The following RNF216 variants were observed in gnomAD, a reference collection of about 807,000 sequenced individuals.
RNF216 encodes the protein E3 ubiquitin-protein ligase RNF216.
Under a neutral mutation model 110.8 loss-of-function variants are expected in RNF216, and 72 were observed. That is an observed-to-expected ratio of 0.65 (90% confidence interval 0.54 to 0.79). RNF216 has a LOEUF of 0.79. Among genes scored for constraint, RNF216 ranks in the 30% least tolerant of loss-of-function variants. The probability of loss-of-function intolerance (pLI) is 0.00; values close to 1 mark genes in which losing one functional copy is unlikely to be tolerated. For synonymous variants in RNF216, 495 were observed against 407.5 expected (o/e 1.21, Z -2.59); for missense variants, 1,342 against 1,141.2 (o/e 1.18, Z -2.54).
intron 1 of RNF216, among the ~76,000 whole-genome samples, chr7:5,763,955 G>T (rs562578599): frequency 6.6e-6 from 1 of 152,142 alleles, no homozygotes; most frequent in Admixed American, 6.5e-5. Flanking sequence ...TTGGGAGGCC[G>T]AGGCAGGCGG....
intron 15 of RNF216, among the ~76,000 whole-genome samples, chr7:5,634,730 C>T (rs1254619049): frequency 2.0e-5 from 3 of 152,340 alleles, no homozygotes; most frequent in Admixed American, 6.5e-5. Context: ...CCATGTTTTG[C>T]GTCCCGTCAG....
intron 3 of RNF216, among the ~76,000 whole-genome samples, chr7:5,748,924 C>T (rs1249003397): frequency 6.6e-6 from 1 of 152,112 alleles, no homozygotes; most frequent in Non-Finnish European, 1.5e-5. Flanking sequence ...ATCTGCTTCT[C>T]TGTGTCTCCG....
In RNF216 at chr7:5,753,121, T is replaced by G. The variant is rs148357415; in HGVS notation, c.68-142A>C. The G allele has an allele frequency of 5.2e-5, 38 of 724,292 alleles. 1 individual carries two copies. Among genetic ancestry groups the G allele is most frequent in the African/African-American group, 5.0e-4 (27 of 54,510 alleles). 44.9% of individuals were successfully genotyped at this position (724,292 alleles called of 1,614,324 possible). ...TACCTCCTCAAGCAGCCCGTGCACT[T>G]AAGCATTAAGAGCCATGTTTCTATG... On this transcript the variant is annotated intron_variant, in intron 2 of 16. Coordinates refer to ENST00000389902, the MANE Select transcript of RNF216 (RefSeq NM_207111.4).
At chr7:5,720,633 G>T (rs75078175) in intron 9 of RNF216, among the ~76,000 whole-genome samples, 1 of 152,298 alleles carries the variant, frequency 6.6e-6, no homozygotes, top group African/African-American at 2.4e-5. Context: ...AGACCCCCAA[G>T]AGAGTCTTGG....
chr7:5,694,381 G>C (rs1021933485), intron 13 of RNF216, among the ~76,000 whole-genome samples: 1 of 152,164 alleles, frequency 6.6e-6, no homozygotes, highest in African/African-American at 2.4e-5. Context: ...CAGATCCAAT[G>C]AGCTCAGAAT....
chr7:5,672,054 T>C (rs1584421584), intron 13 of RNF216, among the ~76,000 whole-genome samples: 1 of 152,164 alleles, frequency 6.6e-6, no homozygotes, highest in East Asian at 1.9e-4. Flanking sequence ...CAGTGGCCAT[T>C]GATGACTATC....
rs1001166102 is a variant in RNF216 at position 5,707,725 on chromosome 7, T to G, written c.2061+4036A>C. Among the ~76,000 whole-genome samples, 9 of 144,178 alleles carry G rather than the reference T, an allele frequency of 6.2e-5. No homozygotes were observed. The East Asian group carries it at 7.9e-4, about 13-fold the overall frequency. 94.6% of individuals were successfully genotyped at this position (144,178 alleles called of 152,430 possible). On this transcript the variant is annotated intron_variant, in intron 13 of 16. Transcript: ENST00000389902. ...TTTCAGTGTGTGTGTGTGGTTTTTT[T>G]TTTTTTTTTTTTTTTTGTGACAGAG... is the stretch of plus-strand genomic sequence containing the variant.
chr7:5,681,755 C>T (rs1016429744), intron 13 of RNF216, among the ~76,000 whole-genome samples: 47 of 152,186 alleles, frequency 3.1e-4, no homozygotes, highest in African/African-American at 1.1e-3. Context: ...TTCAACACTC[C>T]GGCTTACTGA....
intron 14 of RNF216, among the ~76,000 whole-genome samples, chr7:5,643,923 A>G (rs868775255): frequency 6.6e-6 from 1 of 152,152 alleles, no homozygotes; most frequent in Non-Finnish European, 1.5e-5. Context: ...TATGCCTCTG[A>G]TATTTCATAG....
At chr7:5,728,797 G>C (rs1258316659) in intron 7 of RNF216, among the ~76,000 whole-genome samples, 1 of 152,208 alleles carries the variant, frequency 6.6e-6, no homozygotes, top group African/African-American at 2.4e-5. Flanking sequence ...TTTAACGGCA[G>C]TAAGAGCGAC....
chr7:5,633,011 G>T (rs1410025309), intron 15 of RNF216, among the ~76,000 whole-genome samples: 1 of 151,908 alleles, frequency 6.6e-6, no homozygotes, highest in Non-Finnish European at 1.5e-5. Context: ...ACAGAGTCGT[G>T]CTCTATCGCC....
rs376647298 is a variant in RNF216 at position 5,712,427 on chromosome 7, T to C, written c.1982+288A>G. Among the ~76,000 whole-genome samples, 11 of 151,188 alleles carry C rather than the reference T, an allele frequency of 7.3e-5. No individual in the cohort carries two copies. The East Asian group carries it at 1.6e-3, about 21-fold the overall frequency. ...GGCGGAGGTTGTAGTGAGCCAAGAT[T>C]GCACCACTGTACTCCAGCCTGGGCG... On this transcript the variant is annotated intron_variant, in intron 12 of 16. Transcript: ENST00000389902.
chr7:5,736,565 C>A (rs1794419434), intron 5 of RNF216, among the ~76,000 whole-genome samples: 1 of 152,132 alleles, frequency 6.6e-6, no homozygotes, highest in East Asian at 1.9e-4. Context: ...TGAGGAGCGT[C>A]TCTGCCTGGC....
At chr7:5,664,984 G>C (rs551074611) in intron 13 of RNF216, among the ~76,000 whole-genome samples, 1 of 152,216 alleles carries the variant, frequency 6.6e-6, no homozygotes, top group South Asian at 2.1e-4. Flanking sequence ...TTTTAGGAGA[G>C]ACTGGGTTTC....
At chr7:5,634,588 C>G (rs1018275519) in intron 15 of RNF216, among the ~76,000 whole-genome samples, 1 of 152,172 alleles carries the variant, frequency 6.6e-6, no homozygotes, top group Non-Finnish European at 1.5e-5. Context: ...TGGGGAGGAG[C>G]AGAGACTTCA....
At chr7:5,655,059 A>G (rs1788647176) in intron 13 of RNF216, among the ~76,000 whole-genome samples, 1 of 152,242 alleles carries the variant, frequency 6.6e-6, no homozygotes, top group Non-Finnish European at 1.5e-5. Context: ...CATGGCATTT[A>G]GATACTTTTT....
chr7:5,642,217 GTTTTT>G (rs554389334), intron 14 of RNF216, among the ~76,000 whole-genome samples: 2 of 141,026 alleles, frequency 1.4e-5, no homozygotes, highest in African/African-American at 5.1e-5. Flanking sequence ...GTTCTGTTTT[GTTTTT>G]TTTTTTTTGA....
At chr7:5,628,051 C>A (rs1272455662) in intron 15 of RNF216, among the ~76,000 whole-genome samples, 2 of 152,164 alleles carry the variant, frequency 1.3e-5, no homozygotes, top group Non-Finnish European at 2.9e-5. Context: ...CAGATAGAAC[C>A]TTCCCAGCCT....
chr7:5,735,114 C>G (rs1284231985), intron 5 of RNF216, among the ~76,000 whole-genome samples: 1 of 152,044 alleles, frequency 6.6e-6, no homozygotes, highest in South Asian at 2.1e-4. Context: ...CCACTGCACT[C>G]CAGCCTGGGC....
Sources: gnomAD v4.1 joint callset for allele counts (sites outside exome capture counted in the v4.1 genomes callset) on GRCh38, gnomAD v4.1.1 for gene constraint, MANE v1.5 for transcripts, NCBI Gene and HGNC (gene_info 2026-07-23, HGNC 2026-07-21) for gene names.